The following LINGO1 variants were observed in gnomAD, a reference collection of about 807,000 sequenced individuals.
LINGO1 encodes leucine rich repeat and Ig domain containing 1.
A neutral mutation model predicts 37.3 loss-of-function variants in LINGO1; 11 were observed. The ratio of observed to expected loss-of-function variants is 0.29; its 90% CI spans 0.19 to 0.49. LINGO1 has a LOEUF of 0.49. Ranked by LOEUF, LINGO1 falls within the 20% of genes least tolerant of loss-of-function variation. LINGO1 has a pLI of 0.99. For missense variants in LINGO1, 585 were observed against 878.2 expected, an observed-to-expected ratio of 0.67 and a Z score of 4.22; for synonymous variants, 387 against 403.0, an observed-to-expected ratio of 0.96 and a Z score of 0.48.
intron 1 of LINGO1, among the ~76,000 whole-genome samples, chr15:77,783,296 T>C (rs2076739036): frequency 6.6e-6 from 1 of 152,172 alleles, no homozygotes; most frequent in Non-Finnish European, 1.5e-5. Context: ...TTCTAGCTGC[T>C]GGGGATACAG....
In LINGO1 at chr15:77,625,445, G is replaced by T. The variant is rs568180661; in HGVS notation, c.6+6865C>A. Among the ~76,000 whole-genome samples, 13 of 152,286 alleles carry T rather than the reference G, an allele frequency of 8.5e-5. No homozygotes were observed. In the East Asian group the frequency reaches 2.5e-3, roughly 29 times the overall value. On this transcript the variant is annotated intron_variant, in intron 1 of 1. Coordinates refer to ENST00000355300, the MANE Select transcript of LINGO1 (RefSeq NM_032808.7). ...GAAGCACAAAGAGGTTCCATAACTT[G>T]CTCGGGGTCAGTGTTAGCATGATTT... is the stretch of plus-strand genomic sequence containing the variant.
intron 1 of LINGO1, among the ~76,000 whole-genome samples, chr15:77,756,661 C>A (rs1471268308): frequency 1.3e-5 from 2 of 152,256 alleles, no homozygotes; most frequent in Non-Finnish European, 1.5e-5. Context: ...GTCTAACTGT[C>A]TGGCTTTCAA....
intron 1 of LINGO1, among the ~76,000 whole-genome samples, chr15:77,617,471 T>G (rs1325385848): frequency 2.0e-5 from 3 of 152,176 alleles, no homozygotes; most frequent in African/African-American, 7.2e-5. Context: ...CCAGTGCCCC[T>G]GGGGCTTTGC....
At chr15:77,814,767 ACTGAT>A (rs2077034708) in intron 1 of LINGO1, among the ~76,000 whole-genome samples, 1 of 152,162 alleles carries the variant, frequency 6.6e-6, no homozygotes, top group Non-Finnish European at 1.5e-5. Context: ...GATTCACCAG[ACTGAT>A]TCGAGGAGCC....
Position 77,613,631 on chromosome 15 carries a change from A to G in LINGO1, c.*413T>C, listed in dbSNP as rs776749085. ...GTTGGAAGAGGGCCCTGGAGCAATCAGGACGTCAAAAGTTTGCATTCCGAC... is the reference window on the plus strand; with the variant it reads ...GTTGGAAGAGGGCCCTGGAGCAATCGGGACGTCAAAAGTTTGCATTCCGAC... On this transcript the variant is annotated 3_prime_UTR_variant, in exon 2 of 2. Coordinates refer to ENST00000355300, the MANE Select transcript of LINGO1 (RefSeq NM_032808.7). The G allele has an allele frequency of 9.5e-5, 17 of 179,790 alleles. No individual in the cohort carries two copies. The highest frequency in any genetic ancestry group is 1.7e-4 in the Non-Finnish European group (14 of 83,466). 11.1% of individuals were successfully genotyped at this position (179,790 alleles called of 1,614,324 possible). A position where few individuals can be genotyped will look rare whatever the true frequency, so the allele number is the denominator to read the frequency against.
chr15:77,787,323 C>T (rs1041113391), upstream of LINGO1: 1 of 152,382 alleles, frequency 6.6e-6, no homozygotes, highest in Admixed American at 6.5e-5. Context: ...CCCTCCTCTA[C>T]CCTGGCTTGA....
intron 1 of LINGO1, among the ~76,000 whole-genome samples, chr15:77,765,192 A>G (rs1440992482): frequency 2.6e-5 from 4 of 152,146 alleles, no homozygotes; most frequent in Non-Finnish European, 5.9e-5. Flanking sequence ...AGGGGTGCAG[A>G]TCACTTGAGG....
chr15:77,687,032 G>A (rs2075522413), intron 2 of LINGO1, among the ~76,000 whole-genome samples: 1 of 152,182 alleles, frequency 6.6e-6, no homozygotes, highest in African/African-American at 2.4e-5. Context: ...CCTGGCACCT[G>A]CTTTTCTATT....
At chr15:77,731,757 G>A (rs28482107) in intron 2 of LINGO1, among the ~76,000 whole-genome samples, 16,656 of 151,968 alleles carry the variant, frequency 0.11, 1,048 homozygotes, top group African/African-American at 0.17. Flanking sequence ...ATCCCTCTGT[G>A]CCTCCCCTAC....
upstream of LINGO1, among the ~76,000 whole-genome samples, chr15:77,788,901 C>T (rs918152669): frequency 1.3e-5 from 2 of 152,170 alleles, no homozygotes; most frequent in African/African-American, 4.8e-5. Flanking sequence ...GATTGGATCA[C>T]GACAAGTACA....
intron 1 of LINGO1, chr15:77,820,048 A>C (rs1423522060): frequency 6.6e-6 from 1 of 151,394 alleles, no homozygotes; most frequent in Non-Finnish European, 1.5e-5. Flanking sequence ...TCCGCATTAC[A>C]GCGGGTGCCG....
chr15:77,782,295 C>G (rs1012350266), intron 1 of LINGO1, among the ~76,000 whole-genome samples: 1 of 152,164 alleles, frequency 6.6e-6, no homozygotes, highest in Non-Finnish European at 1.5e-5. Flanking sequence ...TAGGCTCCCA[C>G]TCCCCGAGTT....
rs1357523174 is a variant in LINGO1 at position 77,772,673 on chromosome 15, G to A, written c.-257+14196C>T. ...CTATCATAAATTGTCCTTCTCAGCT[G>A]CAGAAAAAGGTCCATTAACACATTT... On this transcript the variant is annotated intron_variant, in intron 1 of 3. Coordinates refer to the LINGO1 transcript ENST00000561686. 2.0e-5 allele frequency among the ~76,000 whole-genome samples: 3 copies of A among 148,254 alleles called. No individual in the cohort carries two copies. The Admixed American group carries it at 2.1e-4, about 11-fold the overall frequency.
intron 2 of LINGO1, among the ~76,000 whole-genome samples, chr15:77,682,611 G>A (rs946967089): frequency 2.6e-5 from 4 of 151,586 alleles, no homozygotes; most frequent in South Asian, 2.1e-4. Context: ...CTTTCACCTC[G>A]CATCCTATCA....
intron 1 of LINGO1, among the ~76,000 whole-genome samples, chr15:77,738,381 CT>C (rs771085391): frequency 5.9e-5 from 9 of 152,192 alleles, no homozygotes; most frequent in Admixed American, 1.3e-4. Context: ...CAGAAATCAT[CT>C]TCCACCATAA....
At chr15:77,731,497 T>C (rs1416370446) in intron 2 of LINGO1, among the ~76,000 whole-genome samples, 1 of 152,150 alleles carries the variant, frequency 6.6e-6, no homozygotes, top group Non-Finnish European at 1.5e-5. Flanking sequence ...TTCTGTGACT[T>C]GGGTCAACTC....
At chr15:77,762,052 T>C (rs995602497) in intron 1 of LINGO1, among the ~76,000 whole-genome samples, 3 of 152,226 alleles carry the variant, frequency 2.0e-5, no homozygotes, top group Non-Finnish European at 4.4e-5. Flanking sequence ...TAGAGTTTGA[T>C]GATTCGGCCC....
At chr15:77,806,625 A>G (rs1446773024) in intron 1 of LINGO1, among the ~76,000 whole-genome samples, 1 of 152,108 alleles carries the variant, frequency 6.6e-6, no homozygotes, top group Non-Finnish European at 1.5e-5. Flanking sequence ...CTTGAGGAAA[A>G]GAGAATGAAG....
upstream of LINGO1, among the ~76,000 whole-genome samples, chr15:77,790,794 C>T (rs72730732): frequency 0.19 from 29,528 of 152,006 alleles, 3,181 homozygotes; most frequent in Admixed American, 0.33. Flanking sequence ...TTCAGGGAGG[C>T]GGATTCAGCT....
Sources: gnomAD v4.1 joint callset for allele counts (sites outside exome capture counted in the v4.1 genomes callset) on GRCh38, gnomAD v4.1.1 for gene constraint, MANE v1.5 for transcripts, NCBI Gene and HGNC (gene_info 2026-07-23, HGNC 2026-07-21) for gene names.